FHIT: variants seen among roughly 807,000 people sequenced by gnomAD.
FHIT encodes the protein fragile histidine triad diadenosine triphosphatase, also known as bis(5'-adenosyl)-triphosphatase.
FHIT carries 19 observed loss-of-function variants against 17.9 expected under a neutral mutation model. That is an observed-to-expected ratio of 1.06 (90% confidence interval 0.74 to 1.56). The LOEUF (loss-of-function observed/expected upper bound fraction) is 1.56, where lower values mean the gene tolerates loss of function less well. Ranked by LOEUF, FHIT falls within the 40% of genes most tolerant of loss-of-function variation. The pLI, the probability that FHIT is intolerant of heterozygous loss-of-function variation, is 0.00. For missense variants in FHIT, 248 were observed against 189.2 expected, an observed-to-expected ratio of 1.31 and a Z score of -1.82; for synonymous variants, 81 against 69.7, an observed-to-expected ratio of 1.16 and a Z score of -0.81.
chr3:60,491,580 C>A (rs896142558), intron 5 of FHIT, among the ~76,000 whole-genome samples: 7 of 152,164 alleles, frequency 4.6e-5, no homozygotes, highest in African/African-American at 1.7e-4. Flanking sequence ...TTAATAAAAT[C>A]TGCATACAAA....
At chr3:60,168,209 T>G (rs772337744) in intron 5 of FHIT, among the ~76,000 whole-genome samples, 3 of 152,192 alleles carry the variant, frequency 2.0e-5, no homozygotes, top group Non-Finnish European at 2.9e-5. Context: ...GTTGGATGAA[T>G]GAATGAAACA....
At chr3:60,097,006 C>T (rs1378681530) in intron 5 of FHIT, among the ~76,000 whole-genome samples, 3 of 135,478 alleles carry the variant, frequency 2.2e-5, no homozygotes, top group Admixed American at 8.3e-5. Context: ...CACAGTGAGA[C>T]CCTATCTCTG....
At chr3:59,957,655 C>G (rs1707470091) in intron 7 of FHIT, among the ~76,000 whole-genome samples, 1 of 152,202 alleles carries the variant, frequency 6.6e-6, no homozygotes, top group Non-Finnish European at 1.5e-5. Context: ...GACCAAGTCA[C>G]TGAGAAAAAT....
intron 4 of FHIT, among the ~76,000 whole-genome samples, chr3:60,676,807 A>G (rs556827694): frequency 6.6e-6 from 1 of 152,170 alleles, no homozygotes; most frequent in Non-Finnish European, 1.5e-5. Context: ...GTTTCACCAC[A>G]AGAACTCATT....
At chr3:60,417,363 G>A (rs1006924643) in intron 5 of FHIT, among the ~76,000 whole-genome samples, 10 of 152,232 alleles carry the variant, frequency 6.6e-5, no homozygotes, top group African/African-American at 2.4e-4. Context: ...GAAAAAATTC[G>A]TTAGAGAATG....
At chr3:61,239,309 G>GTCTCCCTTTCCCTCTCTATACA (rs1333128379) in intron 1 of FHIT, among the ~76,000 whole-genome samples, 1 of 152,182 alleles carries the variant, frequency 6.6e-6, no homozygotes, top group African/African-American at 2.4e-5. Flanking sequence ...TCTGATGTCA[G>GTCTCCCTTTCCCTCTCTATACA]TCTCCCTTTC....
At chr3:60,140,417 C>G (rs1017216570) in intron 5 of FHIT, among the ~76,000 whole-genome samples, 1 of 151,990 alleles carries the variant, frequency 6.6e-6, no homozygotes, top group African/African-American at 2.4e-5. Context: ...ATATGAGCAA[C>G]TTGGCAGTGA....
intron 3 of FHIT, among the ~76,000 whole-genome samples, chr3:60,970,479 T>C (rs923897751): frequency 5.9e-5 from 9 of 152,160 alleles, no homozygotes; most frequent in African/African-American, 1.9e-4. Flanking sequence ...GTTATATTTA[T>C]ATTCTTATCA....
chr3:60,694,421 C>T (rs886478780), intron 4 of FHIT, among the ~76,000 whole-genome samples: 4 of 152,130 alleles, frequency 2.6e-5, no homozygotes. Context: ...ACAATAGGTG[C>T]TGGAGAGGAT....
intron 5 of FHIT, among the ~76,000 whole-genome samples, chr3:60,291,247 G>A (rs1010205399): frequency 6.6e-6 from 1 of 152,090 alleles, no homozygotes; most frequent in Non-Finnish European, 1.5e-5. Context: ...ACCTGGTGAG[G>A]AGGCAGAGTC....
rs60922760 is a variant in FHIT at position 61,195,831 on chromosome 3, G to C, written c.-164+4786C>G. Among the ~76,000 whole-genome samples, 1,490 of 152,170 alleles carry C rather than the reference G, an allele frequency of 9.8e-3. 31 individuals are homozygous for C. The highest frequency in any genetic ancestry group is 0.032 in the African/African-American group (1,320 of 41,512). ...AACTATAAAATGGAAATACTAATAT[G>C]ACCCACCTATGAAATTGACATGCTA... On this transcript the variant is annotated intron_variant, in intron 2 of 9. Transcript: ENST00000492590.
At chr3:60,129,796 G>C (rs1040157891) in intron 5 of FHIT, among the ~76,000 whole-genome samples, 1 of 152,014 alleles carries the variant, frequency 6.6e-6, no homozygotes, top group Non-Finnish European at 1.5e-5. Context: ...CTGGATCTTA[G>C]TGATATCCAA....
At chr3:60,184,398 C>T (rs1411948530) in intron 5 of FHIT, among the ~76,000 whole-genome samples, 1 of 152,118 alleles carries the variant, frequency 6.6e-6, no homozygotes, top group African/African-American at 2.4e-5. Flanking sequence ...GAGACCTTTA[C>T]TGTTTCTTAT....
At chr3:60,257,029 C>T (rs1050962472) in intron 5 of FHIT, among the ~76,000 whole-genome samples, 2 of 152,244 alleles carry the variant, frequency 1.3e-5, no homozygotes, top group East Asian at 1.9e-4. Flanking sequence ...TTTACTTTGA[C>T]CTCCTTCCTT....
intron 3 of FHIT, among the ~76,000 whole-genome samples, chr3:60,979,445 G>A (rs1710396391): frequency 6.6e-6 from 1 of 152,190 alleles, no homozygotes; most frequent in South Asian, 2.1e-4. Flanking sequence ...AGGGAAAAAG[G>A]AGGAGGAGCT....
intron 4 of FHIT, among the ~76,000 whole-genome samples, chr3:60,606,185 T>C (rs1576959454): frequency 6.6e-6 from 1 of 152,048 alleles, no homozygotes; most frequent in Non-Finnish European, 1.5e-5. Context: ...ATGTTTACTA[T>C]AGCAAACATC....
intron 5 of FHIT, among the ~76,000 whole-genome samples, chr3:60,083,632 G>T (rs1488185017): frequency 1.3e-5 from 2 of 152,152 alleles, no homozygotes; most frequent in African/African-American, 4.8e-5. Flanking sequence ...AGAAGACAGA[G>T]ATAGACTGGT....
At chr3:60,517,858 C>T (rs917896261) in intron 5 of FHIT, among the ~76,000 whole-genome samples, 15 of 152,058 alleles carry the variant, frequency 9.9e-5, no homozygotes, top group Admixed American at 8.5e-4. Flanking sequence ...GTGAAAACAC[C>T]GCTGTGCTTC....
At chr3:60,710,420 G>T (rs554305602) in intron 4 of FHIT, among the ~76,000 whole-genome samples, 1 of 152,216 alleles carries the variant, frequency 6.6e-6, no homozygotes, top group Non-Finnish European at 1.5e-5. Context: ...GACAGTGGGC[G>T]CAGGAGAGTG....
Sources: allele counts gnomAD v4.1 joint callset (sites outside exome capture counted in the v4.1 genomes callset), GRCh38; gene constraint gnomAD v4.1.1; transcripts MANE v1.5; gene names NCBI Gene and HGNC (gene_info 2026-07-23, HGNC 2026-07-21).